The following DNAH17 variants were observed in gnomAD, a reference collection of about 807,000 sequenced individuals.
DNAH17 encodes dynein axonemal heavy chain 17, also known as axonemal beta dynein heavy chain 17.
In DNAH17, 376 loss-of-function variants were observed where a neutral mutation model predicts 485.6. The ratio of observed to expected loss-of-function variants is 0.77; its 90% confidence interval spans 0.71 to 0.84. The LOEUF (loss-of-function observed/expected upper bound fraction) is 0.84, where lower values mean the gene tolerates loss of function less well. Among genes scored for constraint, DNAH17 ranks in the 40% least tolerant of loss-of-function variants. The pLI, the probability that DNAH17 is intolerant of heterozygous loss-of-function variation, is 0.00. For missense variants in DNAH17, 6,370 were observed against 5,839.3 expected (o/e 1.09, Z -2.96); for synonymous variants, 3,031 against 2,405.9 (o/e 1.26, Z -7.60).
intron 31 of DNAH17, among the ~76,000 whole-genome samples, chr17:78,505,028 C>T (rs1050144841): frequency 7.9e-5 from 12 of 151,484 alleles, no homozygotes; most frequent in Non-Finnish European, 1.5e-4. Context: ...GCCTCAGCCT[C>T]CCGAACAGGG....
At chr17:78,502,265 C>T (rs2090323174) in intron 33 of DNAH17, 2 of 225,102 alleles carry the variant, frequency 8.9e-6, no homozygotes, top group East Asian at 6.7e-5. Context: ...GTAAATTCTC[C>T]TTCTTTTCAA....
At chr17:78,491,597 G>A (rs752883846) in intron 42 of DNAH17, 27 bp from the exon 43 acceptor site, 24 of 1,609,838 alleles carry the variant, frequency 1.5e-5, no homozygotes, top group South Asian at 8.9e-5. Context: ...GTATGACCCC[G>A]GGCCCTTCAC....
chr17:78,458,978 G>A, intron 61 of DNAH17, 23 bp downstream of exon 61: 6 of 1,612,822 alleles, frequency 3.7e-6, no homozygotes, highest in Non-Finnish European at 5.1e-6. Context: ...GTTTCGCAGG[G>A]ACGGGAGCGA....
intron 1 of DNAH17, among the ~76,000 whole-genome samples, chr17:78,576,662 T>C (rs188258770): frequency 1.3e-5 from 2 of 152,238 alleles, no homozygotes; most frequent in Admixed American, 6.5e-5. Context: ...AGGTTCCTGA[T>C]TGGAAGTCTC....
chr17:78,566,500 T>C (rs973565167), intron 11 of DNAH17, 114 bp downstream of exon 11: 4 of 774,236 alleles, frequency 5.2e-6, no homozygotes, highest in Admixed American at 4.9e-5. Flanking sequence ...CCTCCCTCCC[T>C]GGACATCAGC....
rs560680193 is a variant in DNAH17 at position 78,544,017 on chromosome 17, G to A, written c.2392-20C>T. 13 of 1,613,650 alleles carry A rather than the reference G, an allele frequency of 8.1e-6. No individual in the cohort carries two copies. Among genetic ancestry groups the A allele is most frequent in the Admixed American group, 1.7e-5 (1 of 60,008 alleles). ...CCAGTCCTGGAAGGAAAGCACAGGA[G>A]TGAGAAAAGGTGTTCTGGAGAAACT... is the stretch of plus-strand genomic sequence containing the variant. On this transcript the variant is annotated intron_variant, in intron 16 of 80. Transcript: ENST00000389840.
Position 78,445,692 on chromosome 17 carries a change from T to G in DNAH17, c.11212-12A>C, listed in dbSNP as rs1173059051. ...TTCATGGACAGGACCTGGGGGAACATCGAGGTGTACACACTTAACGCAGCC... is the reference window on the plus strand; with the variant it reads ...TTCATGGACAGGACCTGGGGGAACAGCGAGGTGTACACACTTAACGCAGCC... On this transcript the variant is annotated splice_polypyrimidine_tract_variant and intron_variant, in intron 69 of 80. Coordinates refer to ENST00000389840, the MANE Select transcript of DNAH17 (RefSeq NM_173628.4). The G allele has an allele frequency of 1.3e-6, 2 of 1,589,698 alleles. No homozygotes were observed. The highest frequency in any genetic ancestry group is 1.7e-6 in the Non-Finnish European group (2 of 1,168,396).
intron 25 of DNAH17, among the ~76,000 whole-genome samples, chr17:78,523,834 A>AG (rs1568194361): frequency 6.6e-6 from 1 of 152,222 alleles, no homozygotes. Context: ...GCTCGAGCCC[A>AG]GGAGGCAGAG....
At chr17:78,550,907 A>G (rs991229835) in intron 16 of DNAH17, among the ~76,000 whole-genome samples, 5 of 152,184 alleles carry the variant, frequency 3.3e-5, no homozygotes, top group Non-Finnish European at 5.9e-5. Flanking sequence ...TGCGTGAGAA[A>G]TTATTCCCGT....
intron 16 of DNAH17, among the ~76,000 whole-genome samples, chr17:78,550,902 G>A (rs2091887698): frequency 6.6e-6 from 1 of 152,212 alleles, no homozygotes; most frequent in African/African-American, 2.4e-5. Flanking sequence ...GAAATTGCGT[G>A]AGAAATTATT....
At chr17:78,429,974 A>C (rs1437415320) in intron 75 of DNAH17, among the ~76,000 whole-genome samples, 1 of 152,200 alleles carries the variant, frequency 6.6e-6, no homozygotes, top group African/African-American at 2.4e-5. Flanking sequence ...TTAGGGAACG[A>C]AGACCAAACT....
At chr17:78,547,084 TG>T (rs2091783738) in intron 16 of DNAH17, among the ~76,000 whole-genome samples, 1 of 152,258 alleles carries the variant, frequency 6.6e-6, no homozygotes, top group East Asian at 1.9e-4. Context: ...CTTTTGACTT[TG>T]GAATGTAACC....
chr17:78,525,294 G>A (rs942280565), intron 24 of DNAH17, 133 bp from the exon 25 acceptor site: 38 of 1,330,560 alleles, frequency 2.9e-5, no homozygotes, highest in Admixed American at 7.2e-5. Flanking sequence ...TCCATACAAC[G>A]GTGTCCCACC....
At position 78,451,484 on chromosome 17, in the gene DNAH17, A is replaced by G; in HGVS notation, c.10719T>C (p.Asp3573=). 1 of 1,611,394 alleles carries G rather than the reference A, an allele frequency of 6.2e-7. No homozygotes were observed. The highest frequency in any genetic ancestry group is 8.5e-7 in the Non-Finnish European group (1 of 1,178,746). ...AGGCCATTACCTTCAGCTGTTCCAG[A>G]TCTGGGCGCTCTTTGGCCACCACAG... The part of the protein sequence containing the change: ...LAAVVAKERP[D]LEQLKANLTK... The change falls in exon 66 of 81, where the codon GAT becomes GAC. Residue 3573 remains aspartate (D), a synonymous_variant. Coordinates refer to ENST00000389840, the MANE Select transcript of DNAH17 (RefSeq NM_173628.4).
At chr17:78,523,421 GCCT>G (rs1455738623) in intron 25 of DNAH17, among the ~76,000 whole-genome samples, 1 of 152,114 alleles carries the variant, frequency 6.6e-6, no homozygotes, top group Non-Finnish European at 1.5e-5. Context: ...ACCCCGCCTG[GCCT>G]CCTTTTTCAA....
chr17:78,455,802 AGC>A lies in DNAH17; in HGVS notation c.10010_10011del (p.Arg3337LeufsTer3), dbSNP rs753793801. Reference sequence around the variant, plus strand: ...CTGAAGTTCTCCACAGACTCAGCCCAGCGGATGTTTTCCGATGCTAATCCCCC... The same window carrying A: ...CTGAAGTTCTCCACAGACTCAGCCCAGGATGTTTTCCGATGCTAATCCCCC... ...LVGGLASENIRWAESVENFRS... is the reference protein window; with the variant it reads ...LVGGLASENIXWAESVENFRS... On this transcript the variant is annotated frameshift_variant, in exon 63 of 81. Transcript: ENST00000389840. LOFTEE classifies it high-confidence loss of function. 1.2e-6 allele frequency: 2 copies of A among 1,608,678 alleles called. No homozygotes were observed. The highest frequency in any genetic ancestry group is 2.2e-5 in the South Asian group (2 of 90,398).
rs2087911084 is a variant in DNAH17, at chr17:78,458,339, G to A, written c.9977+226C>T. 6 of 565,530 alleles carry A rather than the reference G, an allele frequency of 1.1e-5. No individual in the cohort carries two copies. The South Asian group carries it at 1.2e-4, about 12-fold the overall frequency. 35.0% of individuals were successfully genotyped at this position (565,530 alleles called of 1,614,324 possible). On this transcript the variant is annotated intron_variant, in intron 62 of 80. Transcript: ENST00000389840. ...AGCCCCGTGGGACCCAGTGTCCCAG[G>A]CCAGTGTGGGTTACTTGGAACCACG...
intron 44 of DNAH17, 128 bp from the exon 45 acceptor site, chr17:78,486,634 G>A (rs916296118): frequency 8.4e-7 from 1 of 1,192,520 alleles, no homozygotes; most frequent in Non-Finnish European, 1.1e-6. Flanking sequence ...CACCATGCCT[G>A]CATGGCAATG....
At chr17:78,516,905 TAAAAG>T (rs939712296) in intron 25 of DNAH17, among the ~76,000 whole-genome samples, 16 of 152,126 alleles carry the variant, frequency 1.1e-4, no homozygotes, top group Admixed American at 7.2e-4. Context: ...AAAAATTAAA[TAAAAG>T]AAGAGACAGA....
Sources: gnomAD v4.1 joint callset for allele counts (sites outside exome capture counted in the v4.1 genomes callset) on GRCh38, gnomAD v4.1.1 for gene constraint, MANE v1.5 for transcripts, NCBI Gene and HGNC (gene_info 2026-07-23, HGNC 2026-07-21) for gene names.